Variants in DGKB observed in about 807,000 individuals in gnomAD.
DGKB encodes the protein 90 kDa diacylglycerol kinase.
A neutral mutation model predicts 114.3 loss-of-function variants in DGKB; 67 were observed. The ratio of observed to expected loss-of-function variants is 0.59; its 90% confidence interval spans 0.48 to 0.72. The LOEUF (loss-of-function observed/expected upper bound fraction) is 0.72. Among genes scored for constraint, DGKB ranks in the 30% least tolerant of loss-of-function variants. DGKB has a pLI of 0.00. For synonymous variants in DGKB, 398 were observed against 323.1 expected (o/e 1.23, Z -2.49); for missense variants, 907 against 975.2 (o/e 0.93, Z 0.93).
At chr7:14,552,982 G>A (rs1330778104) in intron 20 of DGKB, among the ~76,000 whole-genome samples, 2 of 152,202 alleles carry the variant, frequency 1.3e-5, no homozygotes, top group African/African-American at 2.4e-5. Flanking sequence ...TGATAGTGAC[G>A]GCTTTGAGAT....
At chr7:14,876,493 T>A (rs902544291) in intron 1 of DGKB, among the ~76,000 whole-genome samples, 2 of 152,212 alleles carry the variant, frequency 1.3e-5, no homozygotes, top group African/African-American at 4.8e-5. Flanking sequence ...AAGCCTCACT[T>A]TGGAGCTCGC....
chr7:14,165,831 G>A (rs1784541495), intron 25 of DGKB, among the ~76,000 whole-genome samples: 1 of 152,170 alleles, frequency 6.6e-6, no homozygotes, highest in Admixed American at 6.5e-5. Flanking sequence ...GTGTGGAACT[G>A]CTAAAGAAAG....
chr7:14,338,998 C>A (rs1160374321), intron 22 of DGKB, among the ~76,000 whole-genome samples: 2 of 151,900 alleles, frequency 1.3e-5, no homozygotes, highest in Non-Finnish European at 2.9e-5. Context: ...TTAGCATCTG[C>A]ATATATATTT....
intron 18 of DGKB, among the ~76,000 whole-genome samples, chr7:14,582,676 A>C (rs984018445): frequency 4.6e-5 from 7 of 152,206 alleles, no homozygotes; most frequent in Admixed American, 4.6e-4. Context: ...TAAGGTTTTG[A>C]GGGTCCATGT....
chr7:14,382,182 T>G (rs1277295437), intron 21 of DGKB, among the ~76,000 whole-genome samples: 1 of 152,096 alleles, frequency 6.6e-6, no homozygotes, highest in Non-Finnish European at 1.5e-5. Context: ...GTAGATGCAG[T>G]AAGAAAGAGC....
chr7:14,475,939 G>T (rs1282623879), intron 21 of DGKB, among the ~76,000 whole-genome samples: 2 of 151,746 alleles, frequency 1.3e-5, no homozygotes, highest in Non-Finnish European at 2.9e-5. Context: ...CTTGAGAGAG[G>T]GTAATAAATA....
At position 14,177,671 on chromosome 7, in the gene DGKB, A is replaced by C. The variant is rs538823277; in HGVS notation, c.2243+360T>G. Among the ~76,000 whole-genome samples the C allele has an allele frequency of 1.8e-4, 28 of 152,232 alleles. No homozygotes were observed. The East Asian group carries it at 5.2e-3, about 28-fold the overall frequency. On this transcript the variant is annotated intron_variant, in intron 24 of 25. Coordinates refer to ENST00000402815, the MANE Select transcript of DGKB (RefSeq NM_001350709.2). Reference sequence around the variant, plus strand: ...TTACTGTGGCACTTTAGTCCATGAAATGATTTAAGTCAATGGTGTCTCATC... The same window carrying C: ...TTACTGTGGCACTTTAGTCCATGAACTGATTTAAGTCAATGGTGTCTCATC...
intron 21 of DGKB, among the ~76,000 whole-genome samples, chr7:14,425,128 A>AT (rs529632513): frequency 1.5e-3 from 225 of 152,116 alleles, no homozygotes; most frequent in African/African-American, 4.9e-3. Context: ...ATTTTCATTG[A>AT]TTTTTTTCTT....
chr7:14,151,680 C>T (rs1180195956), intron 25 of DGKB, among the ~76,000 whole-genome samples: 1 of 152,028 alleles, frequency 6.6e-6, no homozygotes, highest in Non-Finnish European at 1.5e-5. Context: ...TCAAAGTACA[C>T]AACTGTTTCT....
chr7:14,379,269 T>C (rs551706875), intron 21 of DGKB, among the ~76,000 whole-genome samples: 1 of 152,308 alleles, frequency 6.6e-6, no homozygotes, highest in South Asian at 2.1e-4. Flanking sequence ...TCCCATTTCT[T>C]TTCATCATCT....
intron 1 of DGKB, among the ~76,000 whole-genome samples, chr7:14,965,841 CA>C (rs1337275944): frequency 1.3e-5 from 2 of 152,102 alleles, no homozygotes; most frequent in East Asian, 3.9e-4. Context: ...TAATGAAAAC[CA>C]TTTTTCAATT....
At chr7:14,578,628 T>C (rs1001215794) in intron 19 of DGKB, among the ~76,000 whole-genome samples, 46 of 152,352 alleles carry the variant, frequency 3.0e-4, no homozygotes, top group African/African-American at 1.0e-3. Context: ...CCAGTTTGGC[T>C]ACTTGCCTGA....
At chr7:14,460,325 C>T (rs1203938955) in intron 21 of DGKB, among the ~76,000 whole-genome samples, 4 of 151,842 alleles carry the variant, frequency 2.6e-5, no homozygotes, top group Non-Finnish European at 5.9e-5. Context: ...AGAGTCAAGA[C>T]CCATTGGTGT....
At chr7:14,680,976 T>A (rs1820725073) in intron 12 of DGKB, among the ~76,000 whole-genome samples, 1 of 151,954 alleles carries the variant, frequency 6.6e-6, no homozygotes. Flanking sequence ...GAAGAAATTA[T>A]TTCTAATATT....
At chr7:14,517,418 C>T (rs2128556057) in intron 20 of DGKB, among the ~76,000 whole-genome samples, 1 of 151,732 alleles carries the variant, frequency 6.6e-6, no homozygotes, top group Middle Eastern at 3.4e-3. Flanking sequence ...ACAACGAAGA[C>T]ACCACAAGCA....
intron 2 of DGKB, among the ~76,000 whole-genome samples, chr7:14,795,885 T>C (rs780665951): frequency 3.3e-5 from 5 of 152,172 alleles, no homozygotes; most frequent in Non-Finnish European, 7.3e-5. Context: ...TATGAAAAAC[T>C]ATGCATGAAT....
At chr7:14,649,495 G>A (rs922764255) in intron 13 of DGKB, among the ~76,000 whole-genome samples, 4 of 151,794 alleles carry the variant, frequency 2.6e-5, no homozygotes, top group Admixed American at 6.6e-5. Flanking sequence ...CCTGAAGGAA[G>A]CACTAAACAT....
At chr7:14,375,893 A>T (rs1428024383) in intron 21 of DGKB, among the ~76,000 whole-genome samples, 1 of 152,244 alleles carries the variant, frequency 6.6e-6, no homozygotes, top group Admixed American at 6.5e-5. Flanking sequence ...ATAAAGGATG[A>T]GTAAATTTCA....
At chr7:14,503,478 C>A (rs1446272031) in intron 20 of DGKB, among the ~76,000 whole-genome samples, 1 of 152,028 alleles carries the variant, frequency 6.6e-6, no homozygotes, top group Non-Finnish European at 1.5e-5. Flanking sequence ...TATTTTGACT[C>A]ATCTTTACTT....
Sources: allele counts gnomAD v4.1 joint callset (sites outside exome capture counted in the v4.1 genomes callset), GRCh38; gene constraint gnomAD v4.1.1; transcripts MANE v1.5; gene names NCBI Gene and HGNC (gene_info 2026-07-23, HGNC 2026-07-21).